CUX2: variants seen among roughly 807,000 people sequenced by gnomAD.
The protein encoded by CUX2 is homeobox protein cut-like 2.
CUX2 carries 40 observed loss-of-function variants against 144.8 expected under a neutral mutation model. That is an observed-to-expected ratio of 0.28 (90% confidence interval 0.21 to 0.36). CUX2 has a LOEUF of 0.36. Ranked by LOEUF, CUX2 falls within the 10% of genes least tolerant of loss-of-function variation. The pLI is 1.00. For missense variants in CUX2, 1,615 were observed against 1,994.0 expected (o/e 0.81, Z 3.62); for synonymous variants, 827 against 875.6 (o/e 0.94, Z 0.98).
chr12:111,268,808 CT>C (rs1884506941), intron 4 of CUX2, among the ~76,000 whole-genome samples: 1 of 152,222 alleles, frequency 6.6e-6, no homozygotes, highest in Non-Finnish European at 1.5e-5. Flanking sequence ...ATTTCCCACC[CT>C]TTTCGATCCT....
chr12:111,291,951 G>A (rs1187687127), intron 5 of CUX2, among the ~76,000 whole-genome samples: 1 of 152,166 alleles, frequency 6.6e-6, no homozygotes, highest in East Asian at 1.9e-4. Flanking sequence ...CCCTTGCCGA[G>A]CTGGACATGA....
In CUX2 at chr12:111,255,938, C is replaced by T. The variant is rs1022417519; in HGVS notation, c.223-7823C>T. Among the ~76,000 whole-genome samples, 21 of 152,166 alleles carry T rather than the reference C, an allele frequency of 1.4e-4. No individual in the cohort carries two copies. The highest frequency in any genetic ancestry group is 2.2e-4 in the Non-Finnish European group (15 of 68,016). Reference sequence around the variant, plus strand: ...AGGATAGTCTAGCCAGACCTCCCCACATGTGGGTCTCCCTGAGTACCTTTA... The same window carrying T: ...AGGATAGTCTAGCCAGACCTCCCCATATGTGGGTCTCCCTGAGTACCTTTA... On this transcript the variant is annotated intron_variant, in intron 3 of 21. Coordinates refer to ENST00000261726, the MANE Select transcript of CUX2 (RefSeq NM_015267.4). The surrounding 1 kb of genome is among the most constrained non-coding windows in gnomAD (Gnocchi z 4.1).
intron 1 of CUX2, among the ~76,000 whole-genome samples, chr12:111,044,457 G>C (rs1345063026): frequency 1.4e-4 from 22 of 151,842 alleles, no homozygotes; most frequent in Non-Finnish European, 5.9e-5. Context: ...GCAGGTCCCA[G>C]CTTCAGGGTT....
chr12:111,139,281 C>G (rs1474723776), intron 1 of CUX2, among the ~76,000 whole-genome samples: 2 of 152,066 alleles, frequency 1.3e-5, no homozygotes, highest in East Asian at 3.9e-4. Context: ...AAAGATCCTG[C>G]TGGCCCGAGT....
chr12:111,319,426 T>C (rs574800523), intron 16 of CUX2, among the ~76,000 whole-genome samples: 81 of 152,314 alleles, frequency 5.3e-4, no homozygotes, highest in African/African-American at 1.9e-3. Context: ...ATTTACATGG[T>C]TGGATCATTG....
Position 111,160,697 on chromosome 12 carries a change from C to T in CUX2, c.64-53503C>T, listed in dbSNP as rs78041652. Among the ~76,000 whole-genome samples the T allele has an allele frequency of 2.0e-3, 308 of 152,184 alleles. No individual in the cohort carries two copies. Among genetic ancestry groups the T allele is most frequent in the African/African-American group, 7.2e-3 (298 of 41,508 alleles). On this transcript the variant is annotated intron_variant, in intron 1 of 21. Coordinates refer to ENST00000261726, the MANE Select transcript of CUX2 (RefSeq NM_015267.4). The surrounding 1 kb of genome is among the most constrained non-coding windows in gnomAD (Gnocchi z 4.1). The stretch of plus-strand genomic sequence containing the variant: ...AGTCCAGTGGCATTTTCAGGGGATT[C>T]CTCTGGAACAGCACCGTGGGGGGCA...
At chr12:111,314,639 T>TAAAAAAAAAAAAAAAAAAAAAAAAA (rs954472479) in intron 16 of CUX2, among the ~76,000 whole-genome samples, 1 of 23,238 alleles carries the variant, frequency 4.3e-5, no homozygotes, top group African/African-American at 1.6e-4. Context: ...AAACTCAGTC[T>TAAAAAAAAAAAAAAAAAAAAAAAAA]AAAAAAAAAA....
intron 9 of CUX2, among the ~76,000 whole-genome samples, chr12:111,299,418 G>A (rs548481117): frequency 6.6e-6 from 1 of 152,186 alleles, no homozygotes; most frequent in East Asian, 1.9e-4. Context: ...GCGCAGGGTG[G>A]GGGCACTCCC....
At position 111,263,497 on chromosome 12, in the gene CUX2, C is replaced by T. The variant is rs1217384604; in HGVS notation, c.223-264C>T. 1.3e-5 allele frequency among the ~76,000 whole-genome samples: 2 copies of T among 152,056 alleles called. No individual in the cohort carries two copies. Among genetic ancestry groups the T allele is most frequent in the African/African-American group, 4.8e-5 (2 of 41,416 alleles). ...GGCAGGCACCTGTAGTGGTAGCAGG[C>T]ACCTGTAATCCCAGCTACTCAGGAG... is the stretch of plus-strand genomic sequence containing the variant. On this transcript the variant is annotated intron_variant, in intron 3 of 21. Transcript: ENST00000261726. This position sits in a 1 kb window ranked among gnomAD's most constrained non-coding sequence, Gnocchi z 4.0.
intron 1 of CUX2, among the ~76,000 whole-genome samples, chr12:111,198,802 A>T (rs1403624111): frequency 1.3e-5 from 2 of 152,182 alleles, no homozygotes; most frequent in Non-Finnish European, 2.9e-5. Flanking sequence ...CTGAGGTGAG[A>T]AAGAGGCTGG....
intron 4 of CUX2, among the ~76,000 whole-genome samples, chr12:111,272,321 C>G (rs926851575): frequency 2.6e-5 from 4 of 152,168 alleles, no homozygotes; most frequent in African/African-American, 9.7e-5. Flanking sequence ...CCTCCTCTCC[C>G]TCCTCCATGC....
intron 3 of CUX2, among the ~76,000 whole-genome samples, chr12:111,243,705 A>G (rs1054625434): frequency 1.1e-4 from 17 of 151,896 alleles, no homozygotes; most frequent in Admixed American, 1.3e-4. Flanking sequence ...CAACTGTCAC[A>G]GCTTGGCCCT....
At position 111,263,151 on chromosome 12, in the gene CUX2, C is replaced by A. The variant is rs1452683764; in HGVS notation, c.223-610C>A. On this transcript the variant is annotated intron_variant, in intron 3 of 21. Coordinates refer to ENST00000261726, the MANE Select transcript of CUX2 (RefSeq NM_015267.4). The surrounding 1 kb of genome is among the most constrained non-coding windows in gnomAD (Gnocchi z 4.0). Reference sequence around the variant, plus strand: ...TTAACCTTCATTTCTCCTTCTTGCCCCTCCCCTATCCCATGTTTGCACAAG... The same window carrying A: ...TTAACCTTCATTTCTCCTTCTTGCCACTCCCCTATCCCATGTTTGCACAAG... Among the ~76,000 whole-genome samples, 1 of 152,202 alleles carries A rather than the reference C, an allele frequency of 6.6e-6. No homozygotes were observed. The highest frequency in any genetic ancestry group is 6.5e-5 in the Admixed American group (1 of 15,270).
Position 111,112,110 on chromosome 12 carries a change from G to A in CUX2, c.63+77870G>A, listed in dbSNP as rs141544009. Reference sequence around the variant, plus strand: ...TTGCTCAGGACTTGGGTGAGGGATCGAGGTCTGTGGCCAATTGATCTCTCC... The same window carrying A: ...TTGCTCAGGACTTGGGTGAGGGATCAAGGTCTGTGGCCAATTGATCTCTCC... On this transcript the variant is annotated intron_variant, in intron 1 of 21. Coordinates refer to ENST00000261726, the MANE Select transcript of CUX2 (RefSeq NM_015267.4). Among the ~76,000 whole-genome samples the A allele has an allele frequency of 4.7e-3, 717 of 152,240 alleles. 10 individuals carry two copies. Among genetic ancestry groups the A allele is most frequent in the African/African-American group, 0.016 (675 of 41,528 alleles).
At chr12:111,167,674 G>T (rs144196946) in intron 1 of CUX2, among the ~76,000 whole-genome samples, 4,586 of 125,674 alleles carry the variant, frequency 0.036, 240 homozygotes, top group African/African-American at 0.14. Context: ...CCCTGGGTTT[G>T]TTTGTTTGTT....
chr12:111,251,120 A>T lies in CUX2; in HGVS notation c.223-12641A>T, dbSNP rs571090015. Among the ~76,000 whole-genome samples, 336 of 152,266 alleles carry T rather than the reference A, an allele frequency of 2.2e-3. 1 individual carries two copies. The highest frequency in any genetic ancestry group is 4.0e-3 in the Non-Finnish European group (271 of 68,002). On this transcript the variant is annotated intron_variant, in intron 3 of 21. Coordinates refer to ENST00000261726, the MANE Select transcript of CUX2 (RefSeq NM_015267.4). ...GAAGAGAAATTGTGGATTTACTGCT[A>T]AAAAAAGCCCTGGCTTATACAATTT...
At chr12:111,047,542 T>C (rs1870057106) in intron 1 of CUX2, among the ~76,000 whole-genome samples, 1 of 152,158 alleles carries the variant, frequency 6.6e-6, no homozygotes, top group African/African-American at 2.4e-5. Flanking sequence ...TGTTCTTTCA[T>C]TGAATCCTCC....
intron 1 of CUX2, among the ~76,000 whole-genome samples, chr12:111,133,104 T>G (rs1054996917): frequency 6.6e-6 from 1 of 152,144 alleles, no homozygotes; most frequent in African/African-American, 2.4e-5. Context: ...AGCCTCAACC[T>G]TATTGTTCAT....
intron 1 of CUX2, among the ~76,000 whole-genome samples, chr12:111,132,099 C>CA (rs765024091): frequency 6.6e-6 from 1 of 152,246 alleles, no homozygotes; most frequent in Non-Finnish European, 1.5e-5. Flanking sequence ...CAGGCATTTC[C>CA]ATACATCTTC....
Sources: allele counts gnomAD v4.1 joint callset (sites outside exome capture counted in the v4.1 genomes callset), GRCh38; gene constraint gnomAD v4.1.1; non-coding constraint Gnocchi (gnomAD v3.1); transcripts MANE v1.5; gene names NCBI Gene and HGNC (gene_info 2026-07-23, HGNC 2026-07-21).